The following DCLK1 variants were observed in gnomAD, a reference collection of about 807,000 sequenced individuals.
DCLK1 encodes serine/threonine-protein kinase DCLK1.
In DCLK1, 16 loss-of-function variants were observed where a neutral mutation model predicts 86.2. The ratio of observed to expected loss-of-function variants is 0.19; its 90% confidence interval spans 0.13 to 0.28. The LOEUF (loss-of-function observed/expected upper bound fraction) is 0.28, where lower values mean the gene tolerates loss of function less well. DCLK1 is among the 10% of genes least tolerant of loss of function. The pLI is 1.00. For synonymous variants in DCLK1, 369 were observed against 370.5 expected (o/e 1.00, Z 0.05); for missense variants, 590 against 940.2 (o/e 0.63, Z 4.87).
intron 13 of DCLK1, among the ~76,000 whole-genome samples, 163 bp downstream of exon 13, chr13:35,808,855 A>C (rs2153102601): frequency 6.6e-6 from 1 of 152,312 alleles, no homozygotes; most frequent in Admixed American, 6.5e-5. Flanking sequence ...AAGGCATATA[A>C]ATTAGCATGC....
chr13:35,904,022 C>A (rs1160024471), intron 4 of DCLK1, among the ~76,000 whole-genome samples: 1 of 151,576 alleles, frequency 6.6e-6, no homozygotes, highest in Non-Finnish European at 1.5e-5. Context: ...TGGATAGGTA[C>A]AAATCCATGG....
intron 11 of DCLK1, among the ~76,000 whole-genome samples, chr13:35,819,150 T>C (rs1405739217): frequency 3.3e-5 from 5 of 152,240 alleles, no homozygotes; most frequent in Admixed American, 2.0e-4. Context: ...ACAAGAACCA[T>C]GTAAAATCAT....
chr13:36,114,616 TGAAAA>T (rs1885718764), intron 2 of DCLK1, among the ~76,000 whole-genome samples: 1 of 152,262 alleles, frequency 6.6e-6, no homozygotes, highest in African/African-American at 2.4e-5. Context: ...CATTTTATCA[TGAAAA>T]GAAATTTCCA....
intron 3 of DCLK1, among the ~76,000 whole-genome samples, chr13:36,026,232 G>A (rs556204588): frequency 7.9e-5 from 12 of 152,296 alleles, no homozygotes; most frequent in African/African-American, 2.6e-4. Context: ...GAAATAACCT[G>A]ACACTTGTCA....
At chr13:36,127,720 T>C (rs573543331) in intron 1 of DCLK1, among the ~76,000 whole-genome samples, 1 of 152,318 alleles carries the variant, frequency 6.6e-6, no homozygotes, top group East Asian at 1.9e-4. Context: ...GCCCCTGCTT[T>C]CTTCCTGATC....
chr13:35,991,184 CAG>C (rs969039432), intron 3 of DCLK1, among the ~76,000 whole-genome samples: 1 of 152,162 alleles, frequency 6.6e-6, no homozygotes, highest in African/African-American at 2.4e-5. Flanking sequence ...GCCTAAGACA[CAG>C]ATGCCAAGAA....
At chr13:36,004,967 C>T (rs2153146532) in intron 3 of DCLK1, among the ~76,000 whole-genome samples, 1 of 152,280 alleles carries the variant, frequency 6.6e-6, no homozygotes, top group South Asian at 2.1e-4. Context: ...ACACAACAAT[C>T]TGGCTAAGTA....
intron 16 of DCLK1, among the ~76,000 whole-genome samples, chr13:35,788,810 A>G (rs1193086390): frequency 6.6e-6 from 1 of 152,198 alleles, no homozygotes; most frequent in Non-Finnish European, 1.5e-5. Context: ...CTTAAAGGTG[A>G]ATCTTTTCTT....
At chr13:35,781,891 C>T (rs534888561) in intron 16 of DCLK1, among the ~76,000 whole-genome samples, 1 of 152,116 alleles carries the variant, frequency 6.6e-6, no homozygotes, top group East Asian at 1.9e-4. Flanking sequence ...ACTGACAAAT[C>T]GATTGAAATA....
intron 6 of DCLK1, among the ~76,000 whole-genome samples, chr13:35,842,861 C>G (rs1223435565): frequency 6.6e-6 from 1 of 152,168 alleles, no homozygotes; most frequent in Admixed American, 6.5e-5. Flanking sequence ...CAGTTGAAGC[C>G]ATTTCAGTAA....
intron 6 of DCLK1, chr13:35,850,916 G>T: frequency 1.5e-6 from 1 of 667,246 alleles, no homozygotes; most frequent in South Asian, 5.5e-5. Flanking sequence ...GGATTAGGAG[G>T]AAAGATAATA....
intron 3 of DCLK1, among the ~76,000 whole-genome samples, chr13:35,985,153 A>G (rs1879840002): frequency 6.6e-6 from 1 of 152,132 alleles, no homozygotes; most frequent in Non-Finnish European, 1.5e-5. Context: ...CTGATTATGG[A>G]TGCATTTAGA....
At chr13:35,940,494 T>G (rs75490864) in intron 4 of DCLK1, among the ~76,000 whole-genome samples, 14,429 of 152,154 alleles carry the variant, frequency 0.095, 940 homozygotes, top group African/African-American at 0.19. Context: ...TTGTCCTGAC[T>G]GTGAGCATCT....
At chr13:36,027,103 A>C (rs1053264828) in intron 3 of DCLK1, among the ~76,000 whole-genome samples, 2 of 152,194 alleles carry the variant, frequency 1.3e-5, no homozygotes, top group East Asian at 3.8e-4. Context: ...TCAATGTAGC[A>C]TTATCCTCTA....
At chr13:35,917,052 C>A (rs960902150) in intron 4 of DCLK1, among the ~76,000 whole-genome samples, 8 of 152,170 alleles carry the variant, frequency 5.3e-5, no homozygotes, top group Non-Finnish European at 1.2e-4. Flanking sequence ...AACAAACAGG[C>A]CTTGCTTAAC....
chr13:35,827,861 TA>T, intron 9 of DCLK1, 107 bp from the exon 10 acceptor site: 1 of 1,340,134 alleles, frequency 7.5e-7, no homozygotes, highest in Non-Finnish European at 1.0e-6. Flanking sequence ...TGCATTTTGG[TA>T]AAATGTAATA....
intron 5 of DCLK1, among the ~76,000 whole-genome samples, chr13:35,861,854 G>A (rs966962100): frequency 4.1e-5 from 6 of 147,070 alleles, no homozygotes; most frequent in Admixed American, 1.4e-4. Context: ...GTGAAACCCC[G>A]TCTCTACTAA....
intron 4 of DCLK1, among the ~76,000 whole-genome samples, chr13:35,932,485 T>C (rs1036924634): frequency 3.3e-5 from 5 of 152,208 alleles, no homozygotes; most frequent in African/African-American, 1.2e-4. Flanking sequence ...CTGGGCAATT[T>C]ACAAAAGAAA....
chr13:35,860,317 G>GT (rs1219478288), intron 5 of DCLK1, among the ~76,000 whole-genome samples: 21 of 151,656 alleles, frequency 1.4e-4, no homozygotes, highest in African/African-American at 5.1e-4. Context: ...AAATGCAGGG[G>GT]GTGGGGGGTG....
Sources: gnomAD v4.1 joint callset for allele counts (sites outside exome capture counted in the v4.1 genomes callset) on GRCh38, gnomAD v4.1.1 for gene constraint, MANE v1.5 for transcripts, NCBI Gene and HGNC (gene_info 2026-07-23, HGNC 2026-07-21) for gene names.